Variants in APBB2 observed in about 807,000 individuals in gnomAD.
APBB2 encodes the protein amyloid beta precursor protein binding family B member 2.
Under a neutral mutation model 82.5 loss-of-function variants are expected in APBB2, and 38 were observed. That is an observed-to-expected ratio of 0.46 (90% CI 0.36 to 0.60). APBB2 has a LOEUF of 0.60. Among genes scored for constraint, APBB2 ranks in the 20% least tolerant of loss-of-function variants. APBB2 has a pLI of 0.00. For missense variants in APBB2, 772 were observed against 972.3 expected (o/e 0.79, Z 2.74); for synonymous variants, 341 against 368.2 (o/e 0.93, Z 0.85).
At chr4:41,200,117 C>A (rs189272997) in intron 1 of APBB2, among the ~76,000 whole-genome samples, 1 of 152,318 alleles carries the variant, frequency 6.6e-6, no homozygotes, top group East Asian at 1.9e-4. Flanking sequence ...CTAGCATCAC[C>A]TACATGGTGA....
intron 6 of APBB2, among the ~76,000 whole-genome samples, chr4:40,955,786 T>C (rs1791472079): frequency 6.6e-6 from 1 of 152,036 alleles, no homozygotes; most frequent in Admixed American, 6.6e-5. Flanking sequence ...TTCTTTTTTT[T>C]TTTCTTTGAG....
intron 12 of APBB2, among the ~76,000 whole-genome samples, chr4:40,862,389 A>G (rs1225660245): frequency 6.6e-6 from 1 of 152,244 alleles, no homozygotes; most frequent in Non-Finnish European, 1.5e-5. Flanking sequence ...TGAATGTGGA[A>G]GCCACTTCAA....
In APBB2 at chr4:41,086,946, AC is replaced by A. The variant is rs1553937224; in HGVS notation, c.-149+13692del. On this transcript the variant is annotated intron_variant, in intron 3 of 17. Transcript: ENST00000508593. ...CACACACACACACACACACACACAC[AC>A]ACAAAAAACCTGTCAGAATAAGATA... Among the ~76,000 whole-genome samples, 115 of 16,140 alleles carry A rather than the reference AC, an allele frequency of 7.1e-3. 1 individual carries two copies. The highest frequency in any genetic ancestry group is 0.019 in the East Asian group (1 of 54). 10.6% of individuals were successfully genotyped at this position (16,140 alleles called of 152,430 possible). A position where few individuals can be genotyped will look rare whatever the true frequency, so the allele number is the denominator to read the frequency against.
At chr4:40,982,190 AAAAGGAAAGAAAGAAAAGAAAGAAAAG>A (rs200522165) in intron 6 of APBB2, among the ~76,000 whole-genome samples, 6 of 85,446 alleles carry the variant, frequency 7.0e-5, no homozygotes, top group African/African-American at 1.2e-4. Context: ...TGTCTCAAAA[AAAAGGAAAGAAAGAAAAGAAAGAAAAG>A]AAAGGAAAGA....
At chr4:41,193,693 C>A in intron 1 of APBB2, 1 of 329,668 alleles carries the variant, frequency 3.0e-6, no homozygotes, top group Non-Finnish European at 4.3e-6. Flanking sequence ...GCTGTTACAG[C>A]AACTGTCTGA....
At chr4:41,213,084 G>GAA (rs35220290) in intron 1 of APBB2, among the ~76,000 whole-genome samples, 1 of 126,778 alleles carries the variant, frequency 7.9e-6, no homozygotes, top group African/African-American at 3.1e-5. Context: ...ACCATGACAA[G>GAA]AAAAAAAAAA....
intron 12 of APBB2, among the ~76,000 whole-genome samples, chr4:40,838,653 G>A (rs11722054): frequency 0.39 from 59,480 of 151,782 alleles, 12,003 homozygotes; most frequent in African/African-American, 0.48. Flanking sequence ...ATTTTTAGTG[G>A]AGATGGAGTT....
At chr4:40,864,290 A>ACAAAAC (rs57253600) in intron 12 of APBB2, among the ~76,000 whole-genome samples, 1 of 150,756 alleles carries the variant, frequency 6.6e-6, no homozygotes, top group Non-Finnish European at 1.5e-5. Flanking sequence ...ACAAAACAAA[A>ACAAAAC]AAACCACTGT....
At chr4:40,889,224 T>C (rs965665501) in intron 12 of APBB2, among the ~76,000 whole-genome samples, 1 of 152,222 alleles carries the variant, frequency 6.6e-6, no homozygotes, top group Non-Finnish European at 1.5e-5. Flanking sequence ...TGCAGACCAT[T>C]TCTCATGTCT....
At chr4:40,963,782 A>T (rs1034346300) in intron 6 of APBB2, among the ~76,000 whole-genome samples, 1 of 152,348 alleles carries the variant, frequency 6.6e-6, no homozygotes, top group East Asian at 1.9e-4. Flanking sequence ...TGTGTCAAGA[A>T]GTTTGTCCTA....
chr4:40,880,487 A>C, intron 12 of APBB2: 1 of 985,446 alleles, frequency 1.0e-6, no homozygotes, highest in African/African-American at 1.7e-5. Flanking sequence ...CATGCACTGA[A>C]CATCTGCATA....
chr4:40,834,658 G>C (rs1261058554), intron 12 of APBB2, among the ~76,000 whole-genome samples: 1 of 152,140 alleles, frequency 6.6e-6, no homozygotes, highest in Non-Finnish European at 1.5e-5. Context: ...GGACTATCTA[G>C]GTGGGCCCCG....
In APBB2 at chr4:41,035,940, C is replaced by T. The variant is rs1005466939; in HGVS notation, c.-50-2636G>A. On this transcript the variant is annotated intron_variant, in intron 4 of 17. Coordinates refer to ENST00000508593, the MANE Select transcript of APBB2 (RefSeq NM_004307.2). ...CTGGGAGACACAGGTGGGAGGACCA[C>T]CTGAGCCCAGGAGTTTGAGACCAGC... 6.6e-5 allele frequency among the ~76,000 whole-genome samples: 10 copies of T among 152,252 alleles called. No individual in the cohort carries two copies. In the South Asian group the frequency reaches 1.9e-3, roughly 28 times the overall value.
chr4:40,993,567 T>G lies in APBB2; in HGVS notation c.835+20016A>C, dbSNP rs1051633169. ...ACCCAGCTAATTTTTTGTTTATTTT[T>G]TATAGAGATGAAGTCTCATTATGTT... On this transcript the variant is annotated intron_variant, in intron 6 of 17. Coordinates refer to ENST00000508593, the MANE Select transcript of APBB2 (RefSeq NM_004307.2). Among the ~76,000 whole-genome samples, 3 of 151,822 alleles carry G rather than the reference T, an allele frequency of 2.0e-5. No homozygotes were observed. The East Asian group carries it at 5.8e-4, about 29-fold the overall frequency.
intron 10 of APBB2, among the ~76,000 whole-genome samples, chr4:40,902,241 C>T (rs16852605): frequency 0.039 from 5,864 of 152,208 alleles, 366 homozygotes; most frequent in African/African-American, 0.13. Flanking sequence ...GGAGGTTAGA[C>T]AGCAGAGTGC....
intron 2 of APBB2, among the ~76,000 whole-genome samples, chr4:41,111,414 G>C (rs1749159268): frequency 6.6e-6 from 1 of 152,222 alleles, no homozygotes; most frequent in African/African-American, 2.4e-5. Flanking sequence ...AAGTTCCCAA[G>C]AGATAGCAAT....
intron 12 of APBB2, among the ~76,000 whole-genome samples, chr4:40,861,728 A>G (rs946329116): frequency 2.0e-5 from 3 of 152,208 alleles, no homozygotes; most frequent in Non-Finnish European, 4.4e-5. Flanking sequence ...TATGTGTGAA[A>G]TTCTGGTACA....
rs560328030 is a variant in APBB2, at chr4:40,838,304, A to G, written c.1530-7727T>C. On this transcript the variant is annotated intron_variant, in intron 12 of 17. Coordinates refer to ENST00000508593, the MANE Select transcript of APBB2 (RefSeq NM_004307.2). ...TGGCTTCTTGAGTAGCTGGGATTACAGGTGTGCACCACCACACATGGCTAA... is the reference window on the plus strand; with the variant it reads ...TGGCTTCTTGAGTAGCTGGGATTACGGGTGTGCACCACCACACATGGCTAA... Among the ~76,000 whole-genome samples, 8 of 145,780 alleles carry G rather than the reference A, an allele frequency of 5.5e-5. No individual in the cohort carries two copies. The East Asian group carries it at 1.6e-3, about 29-fold the overall frequency.
At chr4:40,983,960 G>A (rs1021984671) in intron 6 of APBB2, among the ~76,000 whole-genome samples, 1 of 152,222 alleles carries the variant, frequency 6.6e-6, no homozygotes, top group Non-Finnish European at 1.5e-5. Flanking sequence ...AACTGCTAGT[G>A]AGTTCAATGG....
Sources: allele counts gnomAD v4.1 joint callset (sites outside exome capture counted in the v4.1 genomes callset), GRCh38; gene constraint gnomAD v4.1.1; transcripts MANE v1.5; gene names NCBI Gene and HGNC (gene_info 2026-07-23, HGNC 2026-07-21).